The following FAM53A variants were observed in gnomAD, a reference collection of about 807,000 sequenced individuals.
FAM53A encodes the protein family with sequence similarity 53 member A, also known as protein FAM53A.
FAM53A carries 28 observed loss-of-function variants against 26.6 expected under a neutral mutation model. The observed-to-expected ratio is 1.05, with a 90% confidence interval of 0.78 to 1.45. The LOEUF is 1.45. FAM53A is among the 40% of genes most tolerant of loss of function. The pLI is 0.00. For missense variants in FAM53A, 650 were observed against 575.8 expected (o/e 1.13, Z -1.32); for synonymous variants, 290 against 253.1 (o/e 1.15, Z -1.38).
intron 4 of FAM53A, among the ~76,000 whole-genome samples, chr4:1,651,223 GAA>G (rs796236932): frequency 2.8e-4 from 31 of 109,756 alleles, no homozygotes; most frequent in African/African-American, 9.2e-4. Flanking sequence ...ACTCCATCTC[GAA>G]AAAAAAAAAA....
At chr4:1,603,437 C>T in the FAM53A span, among the ~76,000 whole-genome samples, 2 of 152,158 alleles carry the variant, frequency 1.3e-5, no homozygotes, top group Non-Finnish European at 2.9e-5. Context: ...GGGCCGCCCA[C>T]CGCAGGACAG....
downstream of FAM53A, among the ~76,000 whole-genome samples, chr4:1,636,416 G>C (rs1715841042): frequency 6.6e-6 from 1 of 152,224 alleles, no homozygotes; most frequent in Non-Finnish European, 1.5e-5. Flanking sequence ...TCTCCTCGCA[G>C]TTGGCTGGGT....
At position 1,640,847 on chromosome 4, in the gene FAM53A, G is replaced by A. The variant is rs1396234902; in HGVS notation, c.*446C>T. 7.9e-5 allele frequency: 32 copies of A among 403,098 alleles called. No homozygotes were observed. The highest frequency in any genetic ancestry group is 1.9e-4 in the Admixed American group (6 of 30,874). 25.0% of individuals were successfully genotyped at this position (403,098 alleles called of 1,614,324 possible). ...AGGTGCAGGCGGCAGCCATGGCCCC[G>A]ACCAGCTCACAGGAAACCTACTCTG... is the stretch of plus-strand genomic sequence containing the variant. On this transcript the variant is annotated 3_prime_UTR_variant, in exon 5 of 5. Transcript: ENST00000308132.
intron 4 of FAM53A, among the ~76,000 whole-genome samples, chr4:1,643,334 C>A (rs555843778): frequency 6.6e-6 from 1 of 151,746 alleles, no homozygotes; most frequent in Non-Finnish European, 1.5e-5. Context: ...GGCGTGGTGG[C>A]GGGCGCCTGT....
the FAM53A span, among the ~76,000 whole-genome samples, chr4:1,603,406 G>A: frequency 6.6e-6 from 1 of 152,200 alleles, no homozygotes. Context: ...CAGCAACAGA[G>A]AGGCGGGGAC....
chr4:1,593,001 T>G, the FAM53A span, among the ~76,000 whole-genome samples: 4 of 151,972 alleles, frequency 2.6e-5, no homozygotes, highest in Non-Finnish European at 4.4e-5. Context: ...TGCTGCCCCA[T>G]CCCAGCCCAG....
chr4:1,655,425 C>A lies in FAM53A; in HGVS notation c.435G>T (p.Trp145Cys), dbSNP rs1713269386. 1 of 1,502,308 alleles carries A rather than the reference C, an allele frequency of 6.7e-7. No homozygotes were observed. The allele number at this position is 1,502,308 out of a possible 1,614,324, so 93.1% of individuals were successfully genotyped here. Residue 145 changes from tryptophan to cysteine, a missense_variant, in exon 4 of 5, where the codon TGG (tryptophan) becomes TGT (cysteine). Physicochemically the swap from Trp to Cys is radical, Grantham distance 215. Transcript: ENST00000308132. ...CGCACCGCCTCTTGGAGACTGGAGT[C>A]CAGACCTTGGAGCTGCCGGGGCGCC... ...SPWRPGSSKV[W>C]TPVSKRRCDS...
the FAM53A span, among the ~76,000 whole-genome samples, chr4:1,599,889 G>A: frequency 3.3e-5 from 5 of 152,172 alleles, no homozygotes; most frequent in East Asian, 1.9e-4. This position sits in a 1 kb window ranked among gnomAD's most constrained non-coding sequence, Gnocchi z 6.1. Context: ...GCTGCATGGC[G>A]CTGTGGCGGT....
At chr4:1,617,744 C>T (rs1157474205), downstream of FAM53A, among the ~76,000 whole-genome samples, 1 of 152,164 alleles carries the variant, frequency 6.6e-6, no homozygotes, top group Non-Finnish European at 1.5e-5. Context: ...CTGAGGATGT[C>T]TTGACGCCCC....
At chr4:1,663,408 C>T (rs1249477924) in intron 2 of FAM53A, among the ~76,000 whole-genome samples, 1 of 152,168 alleles carries the variant, frequency 6.6e-6, no homozygotes, top group East Asian at 1.9e-4. Context: ...CAGAAACTCA[C>T]ACATGAATGT....
chr4:1,601,504 C>T, the FAM53A span, among the ~76,000 whole-genome samples: 1 of 112,160 alleles, frequency 8.9e-6, no homozygotes, highest in East Asian at 2.1e-4. Context: ...CTTGCTGCCC[C>T]TCCCGGGTGC....
chr4:1,602,456 G>A, the FAM53A span, among the ~76,000 whole-genome samples: 1 of 152,254 alleles, frequency 6.6e-6, no homozygotes, highest in East Asian at 1.9e-4. Flanking sequence ...CTTATGTGAA[G>A]AGTGATGAAA....
rs914265913 is a variant in FAM53A, at chr4:1,644,305, C to G, written c.883-2698G>C. 2.0e-6 allele frequency: 3 copies of G among 1,535,862 alleles called. No homozygotes were observed. In the African/African-American group the frequency reaches 4.1e-5, roughly 21 times the overall value. ...ATGCTGTAAGCTCACGCCGAGGCCT[C>G]GGACGCGGGACTCGCACTCGCGGGC... On this transcript the variant is annotated intron_variant, in intron 4 of 4. Transcript: ENST00000308132.
chr4:1,580,231 C>T, the FAM53A span: 1 of 152,214 alleles, frequency 6.6e-6, no homozygotes, highest in Admixed American at 6.5e-5. Context: ...GAGTGCGAGC[C>T]GGGAGCTGCA....
At chr4:1,656,327 G>GC (rs1176708538) in intron 3 of FAM53A, among the ~76,000 whole-genome samples, 6 of 152,240 alleles carry the variant, frequency 3.9e-5, no homozygotes, top group Non-Finnish European at 5.9e-5. Flanking sequence ...CCAGCCCACT[G>GC]CCTGCTGGTT....
At chr4:1,644,723 C>G (rs1045190024) in intron 4 of FAM53A, 2 of 185,642 alleles carry the variant, frequency 1.1e-5, no homozygotes, top group East Asian at 1.3e-4. Context: ...AGCGCAGAGG[C>G]CTTTCAAACT....
chr4:1,681,369 G>C (rs908575955), intron 1 of FAM53A, among the ~76,000 whole-genome samples: 1 of 152,120 alleles, frequency 6.6e-6, no homozygotes, highest in Non-Finnish European at 1.5e-5. Flanking sequence ...AGCCCCACAA[G>C]GTCGATGGGT....
Position 1,641,484 on chromosome 4 carries a change from G to C in FAM53A, c.1006C>G (p.Pro336Ala). 3 of 1,614,202 alleles carry C rather than the reference G, an allele frequency of 1.9e-6. No individual in the cohort carries two copies. Among genetic ancestry groups the C allele is most frequent in the Non-Finnish European group, 2.5e-6 (3 of 1,180,018 alleles). The part of the protein sequence containing the change: ...DSRGLPGITM[P>A]GCSQRGLRTS... ...CTGAGGCCCCTCTGGCTGCAGCCAGGCATGGTGATGCCAGGGAGGCCCCGG... is the reference window on the plus strand; with the variant it reads ...CTGAGGCCCCTCTGGCTGCAGCCAGCCATGGTGATGCCAGGGAGGCCCCGG... The change falls in exon 5 of 5, where the codon CCT (proline) becomes GCT (alanine). Residue 336 changes from proline to alanine, a missense_variant. Physicochemically the swap from Pro to Ala is conservative, Grantham distance 27. Coordinates refer to ENST00000308132, the MANE Select transcript of FAM53A (RefSeq NM_001174070.3).
chr4:1,662,206 C>T (rs1221424825), intron 2 of FAM53A, among the ~76,000 whole-genome samples: 3 of 151,352 alleles, frequency 2.0e-5, no homozygotes, highest in Non-Finnish European at 4.4e-5. Flanking sequence ...GTGGGGTGGG[C>T]GTGGTGGCTG....
Sources: gnomAD v4.1 joint callset for allele counts (sites outside exome capture counted in the v4.1 genomes callset) on GRCh38, gnomAD v4.1.1 for gene constraint, Gnocchi (gnomAD v3.1) non-coding constraint, MANE v1.5 for transcripts, NCBI Gene and HGNC (gene_info 2026-07-23, HGNC 2026-07-21) for gene names.